TMOD1: variants seen among roughly 807,000 people sequenced by gnomAD.
TMOD1 encodes tropomodulin-1.
In TMOD1, 17 loss-of-function variants were observed where a neutral mutation model predicts 40.6. That is an observed-to-expected ratio of 0.42 (90% CI 0.29 to 0.63). The LOEUF is 0.63. Among genes scored for constraint, TMOD1 ranks in the 20% least tolerant of loss-of-function variants. The probability of loss-of-function intolerance (pLI) is 0.22; values close to 1 mark genes in which losing one functional copy is unlikely to be tolerated. For missense variants in TMOD1, 391 were observed against 447.6 expected (o/e 0.87, Z 1.14); for synonymous variants, 181 against 175.0 (o/e 1.03, Z -0.27).
intron 8 of TMOD1, among the ~76,000 whole-genome samples, chr9:97,585,211 ATC>A (rs1222685148): frequency 1.3e-5 from 2 of 151,516 alleles, no homozygotes; most frequent in Non-Finnish European, 2.9e-5. Context: ...TGGTGACAAA[ATC>A]TCTCAGCATT....
intron 4 of TMOD1, among the ~76,000 whole-genome samples, chr9:97,558,219 G>A (rs1440617882): frequency 6.6e-6 from 1 of 152,124 alleles, no homozygotes. Flanking sequence ...GTTAACATAT[G>A]TAACCTCCTA....
At chr9:97,539,874 G>A (rs1830247889) in intron 2 of TMOD1, among the ~76,000 whole-genome samples, 1 of 149,140 alleles carries the variant, frequency 6.7e-6, no homozygotes, top group Admixed American at 6.7e-5. Context: ...GCTGAGGCAG[G>A]AGAATGGCGT....
intron 8 of TMOD1, among the ~76,000 whole-genome samples, chr9:97,575,504 G>A (rs1158506296): frequency 6.6e-6 from 1 of 152,232 alleles, no homozygotes; most frequent in African/African-American, 2.4e-5. Context: ...AAAGGGGGAG[G>A]AGTTCCCATC....
chr9:97,590,911 C>T (rs1825987142), intron 8 of TMOD1, among the ~76,000 whole-genome samples: 1 of 152,188 alleles, frequency 6.6e-6, no homozygotes, highest in African/African-American at 2.4e-5. Context: ...CCCAGAGATT[C>T]TGATTCAGGT....
chr9:97,587,569 T>G (rs1825908569), intron 8 of TMOD1, among the ~76,000 whole-genome samples: 1 of 70,280 alleles, frequency 1.4e-5, no homozygotes, highest in Admixed American at 1.4e-4. Flanking sequence ...AATTGTTTGT[T>G]TTTTTTTTAC....
At chr9:97,563,384 C>G (rs1830670502) in intron 5 of TMOD1, among the ~76,000 whole-genome samples, 1 of 152,180 alleles carries the variant, frequency 6.6e-6, no homozygotes, top group East Asian at 1.9e-4. Flanking sequence ...ACCTGGAGTT[C>G]ATGTTTGTGT....
At chr9:97,587,577 T>C (rs1335408499) in intron 8 of TMOD1, among the ~76,000 whole-genome samples, 1 of 150,692 alleles carries the variant, frequency 6.6e-6, no homozygotes, top group Non-Finnish European at 1.5e-5. Flanking sequence ...GTTTTTTTTT[T>C]ACTGTGGAGT....
chr9:97,515,358 C>T (rs1415093968), intron 1 of TMOD1, among the ~76,000 whole-genome samples: 1 of 152,168 alleles, frequency 6.6e-6, no homozygotes, highest in African/African-American at 2.4e-5. Flanking sequence ...TGGCTCACTG[C>T]AACTCCTGCC....
intron 2 of TMOD1, among the ~76,000 whole-genome samples, chr9:97,535,913 A>G (rs1033332132): frequency 6.6e-6 from 1 of 152,110 alleles, no homozygotes; most frequent in Non-Finnish European, 1.5e-5. Flanking sequence ...GAAAGCAAAG[A>G]GAGGGAGGAA....
intron 2 of TMOD1, among the ~76,000 whole-genome samples, chr9:97,544,409 G>A (rs934130926): frequency 6.6e-6 from 1 of 151,782 alleles, no homozygotes. Flanking sequence ...GGTGGCATGC[G>A]CCTGTAGTCC....
rs546464134 is a variant in TMOD1 at position 97,524,424 on chromosome 9, A to G, written c.120+116A>G. On this transcript the variant is annotated intron_variant, in intron 2 of 9. Coordinates refer to ENST00000259365, the MANE Select transcript of TMOD1 (RefSeq NM_003275.4). Reference sequence around the variant, plus strand: ...TTCCTTCCATGGCAATGACATTGGTATAACTTTGCCTTTGCAGATTTTTCT... The same window carrying G: ...TTCCTTCCATGGCAATGACATTGGTGTAACTTTGCCTTTGCAGATTTTTCT... 1.2e-5 allele frequency: 16 copies of G among 1,334,346 alleles called. No individual in the cohort carries two copies. In the Admixed American group the frequency reaches 2.8e-4, roughly 23 times the overall value. The allele number at this position is 1,334,346 out of a possible 1,614,324, so 82.7% of individuals were successfully genotyped here.
At chr9:97,587,345 A>T (rs1014212529) in intron 8 of TMOD1, among the ~76,000 whole-genome samples, 1 of 152,212 alleles carries the variant, frequency 6.6e-6, no homozygotes, top group Non-Finnish European at 1.5e-5. Flanking sequence ...CCAGTAGTTT[A>T]TGAGTGAGCC....
chr9:97,540,798 C>T (rs1830265588), intron 2 of TMOD1, among the ~76,000 whole-genome samples: 1 of 151,990 alleles, frequency 6.6e-6, no homozygotes, highest in Non-Finnish European at 1.5e-5. Flanking sequence ...TAGACTTGTT[C>T]GTACTTTTGT....
chr9:97,553,762 G>A lies in TMOD1; in HGVS notation c.397+362G>A, dbSNP rs186026302. On this transcript the variant is annotated intron_variant, in intron 4 of 9. Coordinates refer to ENST00000259365, the MANE Select transcript of TMOD1 (RefSeq NM_003275.4). ...AGGGAAAACAGACAGAGGGCCTCTG[G>A]TTTCTTTGGCTTGGGAGGCTCACTA... is the stretch of plus-strand genomic sequence containing the variant. Among the ~76,000 whole-genome samples the A allele has an allele frequency of 2.0e-5, 3 of 152,274 alleles. 1 individual carries two copies. The highest frequency in any genetic ancestry group is 6.5e-5 in the Admixed American group (1 of 15,298).
chr9:97,522,963 G>C (rs748297031), intron 1 of TMOD1, among the ~76,000 whole-genome samples: 1 of 152,174 alleles, frequency 6.6e-6, no homozygotes, highest in South Asian at 2.1e-4. Context: ...TCGAGGTCCT[G>C]CTGTCCCTCC....
At chr9:97,579,422 A>G (rs1473594034) in intron 8 of TMOD1, among the ~76,000 whole-genome samples, 3 of 152,060 alleles carry the variant, frequency 2.0e-5, no homozygotes, top group African/African-American at 4.8e-5. Context: ...ATTAACCAAC[A>G]TGGTAGTCTC....
chr9:97,505,507 GC>G (rs1490717651), intron 1 of TMOD1, among the ~76,000 whole-genome samples: 1 of 152,190 alleles, frequency 6.6e-6, no homozygotes, highest in East Asian at 1.9e-4. Context: ...AAGCAGAACT[GC>G]CTCTGGGCAT....
At chr9:97,586,585 C>T (rs1432367118) in intron 8 of TMOD1, among the ~76,000 whole-genome samples, 7 of 151,588 alleles carry the variant, frequency 4.6e-5, no homozygotes, top group Non-Finnish European at 1.0e-4. Context: ...TGGGCAATGG[C>T]GGGCGCCCCT....
At chr9:97,582,139 C>T (rs542108823) in intron 8 of TMOD1, among the ~76,000 whole-genome samples, 16 of 151,942 alleles carry the variant, frequency 1.1e-4, no homozygotes, top group South Asian at 2.1e-4. Context: ...TTAGGTCTAA[C>T]GTTTAAGTCT....
Sources: allele counts gnomAD v4.1 joint callset (sites outside exome capture counted in the v4.1 genomes callset), GRCh38; gene constraint gnomAD v4.1.1; transcripts MANE v1.5; gene names NCBI Gene and HGNC (gene_info 2026-07-23, HGNC 2026-07-21).